Variants in WWC2 observed in about 807,000 individuals in gnomAD.
WWC2 encodes protein WWC2.
Under a neutral mutation model 138.5 loss-of-function variants are expected in WWC2, and 101 were observed. That is an observed-to-expected ratio of 0.73 (90% confidence interval 0.62 to 0.86). The LOEUF (loss-of-function observed/expected upper bound fraction) is 0.86, where lower values mean the gene tolerates loss of function less well. Among genes scored for constraint, WWC2 ranks in the 40% least tolerant of loss-of-function variants. WWC2 has a pLI of 0.00. For synonymous variants in WWC2, 558 were observed against 538.4 expected, an observed-to-expected ratio of 1.04 and a Z score of -0.50; for missense variants, 1,420 against 1,419.4, an observed-to-expected ratio of 1.00 and a Z score of -0.01.
At position 183,265,109 on chromosome 4, in the gene WWC2, T is replaced by C. The variant is rs1737457451; in HGVS notation, c.2039+2T>C. The C allele has an allele frequency of 6.2e-7, 1 of 1,605,316 alleles. No individual in the cohort carries two copies. The highest frequency in any genetic ancestry group is 1.7e-5 in the Admixed American group (1 of 59,074). ...GGTCTATGAAGCTTTCGTGAAACAG[T>C]AAGGATTCAGCAGGGGCGCTTTTAG... On this transcript the variant is annotated splice_donor_variant, in intron 12 of 22. Coordinates refer to ENST00000403733, the MANE Select transcript of WWC2 (RefSeq NM_024949.6). LOFTEE classifies it high-confidence loss of function.
intron 21 of WWC2, among the ~76,000 whole-genome samples, chr4:183,294,901 G>C (rs1738584436): frequency 6.6e-6 from 1 of 152,154 alleles, no homozygotes; most frequent in South Asian, 2.1e-4. Flanking sequence ...TCTAGGTAAA[G>C]TAGATGTAAA....
intron 1 of WWC2, among the ~76,000 whole-genome samples, chr4:183,122,783 T>A (rs1368221051): frequency 6.6e-6 from 1 of 152,042 alleles, no homozygotes; most frequent in Non-Finnish European, 1.5e-5. Context: ...CCCCCCAAAG[T>A]GCTGGGATTA....
rs1737051901 is a variant in WWC2 at position 183,253,791 on chromosome 4, G to A, written c.988G>A (p.Asp330Asn). The A allele has an allele frequency of 1.2e-6, 2 of 1,613,092 alleles. No individual in the cohort carries two copies. The highest frequency in any genetic ancestry group is 1.3e-5 in the African/African-American group (1 of 74,802). The change falls in exon 9 of 23, where the codon GAC (aspartate) becomes AAC (asparagine). Residue 330 changes from aspartate (D) to asparagine (N), a missense_variant. By Grantham distance (23) the Asp-to-Asn change is conservative. Transcript: ENST00000403733. ...ANLKIELSKL[D>N]SEAWPGALDI... ...CTTAAAAATTGAACTGTCAAAATTGGACAGTGAGGCCTGGCCTGGGGCACT... is the reference window on the plus strand; with the variant it reads ...CTTAAAAATTGAACTGTCAAAATTGAACAGTGAGGCCTGGCCTGGGGCACT...
chr4:183,220,945 T>C (rs1348211406), intron 4 of WWC2, among the ~76,000 whole-genome samples: 1 of 149,014 alleles, frequency 6.7e-6, no homozygotes, highest in East Asian at 2.0e-4. Context: ...AGGAAGAAAA[T>C]ATGACAATAA....
chr4:183,144,083 A>G (rs1733381798), intron 1 of WWC2, among the ~76,000 whole-genome samples: 1 of 152,224 alleles, frequency 6.6e-6, no homozygotes, highest in Admixed American at 6.5e-5. Context: ...ATCTTCAGGT[A>G]TATGTATTTC....
chr4:183,100,358 T>C (rs1743137293), intron 1 of WWC2, among the ~76,000 whole-genome samples: 3 of 152,256 alleles, frequency 2.0e-5, no homozygotes, highest in African/African-American at 7.2e-5. Context: ...GTTTCTTTGT[T>C]TTTTGTTTTT....
Position 183,143,733 on chromosome 4 carries a change from A to G in WWC2, c.131+44111A>G, listed in dbSNP as rs369112855. On this transcript the variant is annotated intron_variant, in intron 1 of 22. Transcript: ENST00000403733. ...TGAGGTGGGAGGATCGCTTGAGCCC[A>G]GGAGGCAGAGGTTGCAGTGAGCCGA... Among the ~76,000 whole-genome samples the G allele has an allele frequency of 2.6e-5, 4 of 152,040 alleles. No homozygotes were observed. The South Asian group carries it at 6.2e-4, about 24-fold the overall frequency.
intron 10 of WWC2, among the ~76,000 whole-genome samples, chr4:183,260,207 T>G (rs1305012636): frequency 1.3e-5 from 2 of 152,196 alleles, no homozygotes; most frequent in Non-Finnish European, 2.9e-5. Flanking sequence ...AAAACTACAT[T>G]AACGCTTTTG....
At position 183,307,468 on chromosome 4, in the gene WWC2, A is replaced by G. The variant is rs570887690; in HGVS notation, c.3385-4873A>G. 9.1e-4 allele frequency among the ~76,000 whole-genome samples: 139 copies of G among 152,298 alleles called. 1 individual carries two copies. The highest frequency in any genetic ancestry group is 1.5e-3 in the Non-Finnish European group (101 of 68,022). ...ATTCTGTGAGGCCAGCATTATCCTAATAGCAAAACCAGGCAAAGACAAGGA... is the reference window on the plus strand; with the variant it reads ...ATTCTGTGAGGCCAGCATTATCCTAGTAGCAAAACCAGGCAAAGACAAGGA... On this transcript the variant is annotated intron_variant, in intron 21 of 22. Transcript: ENST00000403733.
At chr4:183,236,428 A>T (rs1208394973) in intron 4 of WWC2, among the ~76,000 whole-genome samples, 1 of 152,024 alleles carries the variant, frequency 6.6e-6, no homozygotes, top group Non-Finnish European at 1.5e-5. Flanking sequence ...GATATACAGG[A>T]ATTGGAAGTG....
intron 1 of WWC2, among the ~76,000 whole-genome samples, chr4:183,179,932 A>G (rs1259009417): frequency 6.6e-6 from 1 of 152,214 alleles, no homozygotes; most frequent in African/African-American, 2.4e-5. Flanking sequence ...AGTCAACTAA[A>G]AAATGTAAAC....
At chr4:183,192,074 G>T (rs985046081) in intron 1 of WWC2, among the ~76,000 whole-genome samples, 2 of 152,128 alleles carry the variant, frequency 1.3e-5, no homozygotes, top group African/African-American at 4.8e-5. Context: ...GCTGTTTCTG[G>T]GAACTATATT....
rs890645687 is a variant in WWC2 at position 183,299,425 on chromosome 4, G to T, written c.3384+9790G>T. Among the ~76,000 whole-genome samples, 5 of 152,246 alleles carry T rather than the reference G, an allele frequency of 3.3e-5. No homozygotes were observed. The East Asian group carries it at 5.8e-4, about 18-fold the overall frequency. ...TAGTGAAAAAAGCTCACAAAACAAG[G>T]TGCATTTATCCTGCTTTCAAAATGA... On this transcript the variant is annotated intron_variant, in intron 21 of 22. Transcript: ENST00000403733.
rs150626031 is a variant in WWC2, at chr4:183,219,397, A to G, written c.522+10372A>G. Among the ~76,000 whole-genome samples the G allele has an allele frequency of 6.7e-3, 1,017 of 152,298 alleles. 17 individuals carry two copies. Among genetic ancestry groups the G allele is most frequent in the African/African-American group, 0.023 (957 of 41,556 alleles). On this transcript the variant is annotated intron_variant, in intron 4 of 22. Coordinates refer to ENST00000403733, the MANE Select transcript of WWC2 (RefSeq NM_024949.6). Reference sequence around the variant, plus strand: ...AACTGAGTGCCTGCAGAGCTGTAACATATTAGATGTTAAAGGTAATGTCTT... The same window carrying G: ...AACTGAGTGCCTGCAGAGCTGTAACGTATTAGATGTTAAAGGTAATGTCTT...
rs137917764 is a variant in WWC2, at chr4:183,253,503, TG to T, written c.954-251del. On this transcript the variant is annotated intron_variant, in intron 8 of 22. Transcript: ENST00000403733. Reference sequence around the variant, plus strand: ...GGCCTTCACCCTTTTGTCAGGTAGCTGGGTATGCTCACTCACATTTTAAAGA... The same window carrying T: ...GGCCTTCACCCTTTTGTCAGGTAGCTGGTATGCTCACTCACATTTTAAAGA... Among the ~76,000 whole-genome samples, 303 of 152,276 alleles carry T rather than the reference TG, an allele frequency of 2.0e-3. 5 individuals carry two copies. The East Asian group carries it at 0.048, about 24-fold the overall frequency.
At chr4:183,286,577 T>TA (rs1738262524) in intron 20 of WWC2, among the ~76,000 whole-genome samples, 1 of 152,168 alleles carries the variant, frequency 6.6e-6, no homozygotes, top group Non-Finnish European at 1.5e-5. Context: ...GCATGAGCCT[T>TA]AAGGATAAGT....
rs1192297768 is a variant in WWC2 at position 183,231,258 on chromosome 4, C to CTTTTTTTT, written c.523-8903_523-8896dup. On this transcript the variant is annotated intron_variant, in intron 4 of 22. Coordinates refer to ENST00000403733, the MANE Select transcript of WWC2 (RefSeq NM_024949.6). ...ATTATTCCAACAGATACAGTGAAAG[C>CTTTTTTTT]TTTTTTTTTTTTTTTTTTTTTTTTT... 1.7e-4 allele frequency among the ~76,000 whole-genome samples: 13 copies of CTTTTTTTT among 75,332 alleles called. 1 individual carries two copies. Among genetic ancestry groups the CTTTTTTTT allele is most frequent in the African/African-American group, 6.5e-4 (11 of 16,840 alleles). 49.4% of individuals were successfully genotyped at this position (75,332 alleles called of 152,430 possible). A position where few individuals can be genotyped will look rare whatever the true frequency, so the allele number is the denominator to read the frequency against.
intron 1 of WWC2, among the ~76,000 whole-genome samples, chr4:183,162,719 T>C (rs180815926): frequency 1.3e-5 from 2 of 152,282 alleles, no homozygotes; most frequent in African/African-American, 4.8e-5. Flanking sequence ...TCAGCCATTC[T>C]TCTTACCCCA....
chr4:183,135,970 T>C (rs1457951305), intron 1 of WWC2, among the ~76,000 whole-genome samples: 1 of 152,160 alleles, frequency 6.6e-6, no homozygotes, highest in South Asian at 2.1e-4. Flanking sequence ...TTTCTTTTCT[T>C]TTCTTTTCTT....
Sources: allele counts gnomAD v4.1 joint callset (sites outside exome capture counted in the v4.1 genomes callset), GRCh38; gene constraint gnomAD v4.1.1; transcripts MANE v1.5; gene names NCBI Gene and HGNC (gene_info 2026-07-23, HGNC 2026-07-21).